GCNT3: variants seen among roughly 807,000 people sequenced by gnomAD.
The protein encoded by GCNT3 is glucosaminyl (N-acetyl) transferase 3, mucin type, also known as beta-1,3-galactosyl-O-glycosyl-glycoprotein beta-1,6-N-acetylglucosaminyltransferase 3.
For synonymous variants in GCNT3, 269 were observed against 195.2 expected, an observed-to-expected ratio of 1.38 and a Z score of -3.15; for missense variants, 708 against 530.3, an observed-to-expected ratio of 1.34 and a Z score of -3.29.
In GCNT3 at chr15:59,621,328, A is replaced by G. The variant is rs894008210; in HGVS notation, c.*1773A>G. 2 of 152,076 alleles carry G rather than the reference A, an allele frequency of 1.3e-5. No homozygotes were observed. Among genetic ancestry groups the G allele is most frequent in the Non-Finnish European group, 2.9e-5 (2 of 68,018 alleles). 9.4% of individuals were successfully genotyped at this position (152,076 alleles called of 1,614,324 possible). On this transcript the variant is annotated 3_prime_UTR_variant, in exon 3 of 3. Transcript: ENST00000396065. Reference sequence around the variant, plus strand: ...GTGTGTATGTATACACACATACAGCACGCTACCTCCCAAGTGTTACCTAGT... The same window carrying G: ...GTGTGTATGTATACACACATACAGCGCGCTACCTCCCAAGTGTTACCTAGT...
At chr15:59,617,245 A>G (rs1202417867) in intron 2 of GCNT3, among the ~76,000 whole-genome samples, 1 of 150,546 alleles carries the variant, frequency 6.6e-6, no homozygotes. Flanking sequence ...GAGTCCAAAC[A>G]AAATATAAAA....
rs150554219 is a variant in GCNT3, at chr15:59,615,677, A to G, written c.-250-1015A>G. 3.2e-3 allele frequency among the ~76,000 whole-genome samples: 488 copies of G among 151,830 alleles called. 4 individuals carry two copies. The highest frequency in any genetic ancestry group is 0.011 in the African/African-American group (456 of 41,368). ...GTGGGAGGATCACTTGAGCCCAGGA[A>G]TTTGAGATGAGCGTGGGCAACATAG... On this transcript the variant is annotated intron_variant, in intron 1 of 2. Transcript: ENST00000396065.
chr15:59,618,258 T>C lies in GCNT3; in HGVS notation c.20T>C (p.Leu7Pro), dbSNP rs974065249. 2 of 1,579,870 alleles carry C rather than the reference T, an allele frequency of 1.3e-6. No individual in the cohort carries two copies. The highest frequency in any genetic ancestry group is 2.2e-5 in the East Asian group (1 of 44,552). Residue 7 changes from leucine to proline, a missense_variant, in exon 3 of 3, where the codon CTC (leucine) becomes CCC (proline). Coordinates refer to ENST00000396065, the MANE Select transcript of GCNT3 (RefSeq NM_004751.3). MVQWKRLCQLHYLWALG... is the reference protein window; with the variant it reads MVQWKRPCQLHYLWALG... ...GTGACGATGGTTCAATGGAAGAGAC[T>C]CTGCCAGCTGCATTACTTGTGGGCT... is the stretch of plus-strand genomic sequence containing the variant.
At chr15:59,617,213 T>G (rs374058653) in intron 2 of GCNT3, among the ~76,000 whole-genome samples, 6 of 147,680 alleles carry the variant, frequency 4.1e-5, no homozygotes, top group South Asian at 4.4e-4. Flanking sequence ...CTGGTCTTCA[T>G]CGGACAGTGA....
rs200013297 is a variant in GCNT3 at position 59,619,128 on chromosome 15, C to T, written c.890C>T (p.Ala297Val). The change falls in exon 3 of 3, where the codon GCG (alanine) becomes GTG (valine). Residue 297 changes from alanine to valine, a missense_variant. By Grantham distance (64) the Ala-to-Val change is moderately conservative. Transcript: ENST00000396065. Reference sequence around the variant, plus strand: ...AATTTAACTATGTTTACAGGGAATGCGTACATTGTGGCTTCCCGAGATTTC... The same window carrying T: ...AATTTAACTATGTTTACAGGGAATGTGTACATTGTGGCTTCCCGAGATTTC... ...PYNLTMFTGN[A>V]YIVASRDFVQ... 2.5e-5 allele frequency: 40 copies of T among 1,613,952 alleles called. No individual in the cohort carries two copies. The highest frequency in any genetic ancestry group is 1.6e-4 in the Middle Eastern group (1 of 6,084).
At chr15:59,617,683 T>C (rs1340510217) in intron 2 of GCNT3, among the ~76,000 whole-genome samples, 6 of 152,240 alleles carry the variant, frequency 3.9e-5, no homozygotes, top group African/African-American at 1.4e-4. Flanking sequence ...CAATGAATTA[T>C]ATATGGTGAA....
At chr15:59,614,840 G>A (rs2082712368) in intron 1 of GCNT3, among the ~76,000 whole-genome samples, 1 of 152,216 alleles carries the variant, frequency 6.6e-6, no homozygotes, top group Non-Finnish European at 1.5e-5. Flanking sequence ...AGATGGAGTT[G>A]CTCTGGTTCA....
At chr15:59,618,065 T>C in intron 2 of GCNT3, 114 bp from the exon 3 acceptor site, 1 of 518,816 alleles carries the variant, frequency 1.9e-6, no homozygotes, top group Non-Finnish European at 3.4e-6. Flanking sequence ...TAGGCAGGTC[T>C]TTACTAAGGA....
At position 59,618,360 on chromosome 15, in the gene GCNT3, G is replaced by A; in HGVS notation, c.122G>A (p.Gly41Asp). The A allele has an allele frequency of 1.2e-6, 2 of 1,613,990 alleles. No individual in the cohort carries two copies. Among genetic ancestry groups the A allele is most frequent in the African/African-American group, 1.3e-5 (1 of 75,034 alleles). ...FRLKCDSDHL[G>D]LESRESQSQY... ...TTGAAGTGTGACTCTGACCACTTGG[G>A]TCTGGAGTCCAGGGAATCTCAAAGC... The change falls in exon 3 of 3, where the codon GGT becomes GAT. Residue 41 changes from glycine (G) to aspartate (D), a missense_variant. By Grantham distance (94) the Gly-to-Asp change is moderately conservative. Transcript: ENST00000396065.
At chr15:59,615,846 C>G (rs540111631) in intron 1 of GCNT3, among the ~76,000 whole-genome samples, 1 of 152,302 alleles carries the variant, frequency 6.6e-6, no homozygotes, top group East Asian at 1.9e-4. Context: ...CGTAATCACA[C>G]CACTGCACTC....
Position 59,611,885 on chromosome 15 carries a change from A to C in GCNT3, c.-347A>C, listed in dbSNP as rs1192597128. The C allele has an allele frequency of 6.6e-6, 1 of 152,232 alleles. No homozygotes were observed. Among genetic ancestry groups the C allele is most frequent in the Admixed American group, 6.5e-5 (1 of 15,280 alleles). 9.4% of individuals were successfully genotyped at this position (152,232 alleles called of 1,614,324 possible). On this transcript the variant is annotated 5_prime_UTR_variant, in exon 1 of 3. Coordinates refer to ENST00000396065, the MANE Select transcript of GCNT3 (RefSeq NM_004751.3). Reference sequence around the variant, plus strand: ...TTCTGGGAAGCCCTGGGATTCTGCTAATACCTATCACTGTAGGTGCTGAAG... The same window carrying C: ...TTCTGGGAAGCCCTGGGATTCTGCTCATACCTATCACTGTAGGTGCTGAAG...
At position 59,619,561 on chromosome 15, in the gene GCNT3, A is replaced by T. The variant is rs749920710; in HGVS notation, c.*6A>T. The T allele has an allele frequency of 2.0e-6, 3 of 1,523,986 alleles. No individual in the cohort carries two copies. 94.4% of individuals were successfully genotyped at this position (1,523,986 alleles called of 1,614,324 possible). ...TCTATGGGACTGAACTTTGAGACAC[A>T]CTATGAGAGCGTTGCTACCTGTGGG... On this transcript the variant is annotated 3_prime_UTR_variant, in exon 3 of 3. Coordinates refer to ENST00000396065, the MANE Select transcript of GCNT3 (RefSeq NM_004751.3).
intron 1 of GCNT3, among the ~76,000 whole-genome samples, chr15:59,615,379 G>A (rs1318155102): frequency 6.6e-6 from 1 of 152,100 alleles, no homozygotes; most frequent in Non-Finnish European, 1.5e-5. Flanking sequence ...AGCATTTGTT[G>A]AGTGGTCACC....
intron 1 of GCNT3, among the ~76,000 whole-genome samples, chr15:59,613,118 A>T (rs1354613069): frequency 6.6e-6 from 1 of 152,000 alleles, no homozygotes; most frequent in Non-Finnish European, 1.5e-5. Context: ...TATCTTGTTT[A>T]ATCTTCTCAA....
chr15:59,614,470 C>G (rs946357223), intron 1 of GCNT3, among the ~76,000 whole-genome samples: 7 of 151,518 alleles, frequency 4.6e-5, no homozygotes, highest in Non-Finnish European at 5.9e-5. Context: ...CCTGAGGGGA[C>G]TACTGGTTGC....
chr15:59,613,764 G>A (rs1401788781), intron 1 of GCNT3, among the ~76,000 whole-genome samples: 1 of 151,926 alleles, frequency 6.6e-6, no homozygotes, highest in East Asian at 1.9e-4. Context: ...CGGCACAGTG[G>A]CTCACATTTT....
At position 59,619,418 on chromosome 15, in the gene GCNT3, G is replaced by T. The variant is rs1180626777; in HGVS notation, c.1180G>T (p.Gly394Trp). Reference sequence around the variant, plus strand: ...CCACCAGCGGGCTATCTGCGTTTATGGGGCTGGGGACTTGAATTGGATGCT... The same window carrying T: ...CCACCAGCGGGCTATCTGCGTTTATTGGGCTGGGGACTTGAATTGGATGCT... ...GIHQRAICVY[G>W]AGDLNWMLQN... The change falls in exon 3 of 3, where the codon GGG (glycine) becomes TGG (tryptophan). Residue 394 changes from glycine to tryptophan, a missense_variant. By Grantham distance (184) the Gly-to-Trp change is radical (BLOSUM62 -2). Transcript: ENST00000396065. 8.7e-6 allele frequency: 14 copies of T among 1,614,144 alleles called. No homozygotes were observed. Among genetic ancestry groups the T allele is most frequent in the Non-Finnish European group, 1.2e-5 (14 of 1,180,006 alleles).
In GCNT3 at chr15:59,621,567, A is replaced by G. The variant is rs187254319; in HGVS notation, c.*2012A>G. 1 of 126,822 alleles carries G rather than the reference A, an allele frequency of 7.9e-6. No homozygotes were observed. The highest frequency in any genetic ancestry group is 3.0e-5 in the African/African-American group (1 of 33,660). 7.9% of individuals were successfully genotyped at this position (126,822 alleles called of 1,614,324 possible). On this transcript the variant is annotated 3_prime_UTR_variant, in exon 3 of 3. Transcript: ENST00000396065. ...CCATTAATACGTCATGATGTCATTA[A>G]TATGTTTCTTCCTTTCTGATTTTTG...
rs1335849259 is a variant in GCNT3, at chr15:59,620,953, G to C, written c.*1398G>C. On this transcript the variant is annotated 3_prime_UTR_variant, in exon 3 of 3. Transcript: ENST00000396065. ...GGCTGGAGTGCAGTGGCATGATCTT[G>C]GCTCACTGAAGCCTCTGCCTCCCAG... is the stretch of plus-strand genomic sequence containing the variant. 8.4e-6 allele frequency: 1 copy of C among 119,328 alleles called. No individual in the cohort carries two copies. The highest frequency in any genetic ancestry group is 1.6e-5 in the Non-Finnish European group (1 of 62,432). 7.4% of individuals were successfully genotyped at this position (119,328 alleles called of 1,614,324 possible).
Sources: allele counts gnomAD v4.1 joint callset (sites outside exome capture counted in the v4.1 genomes callset), GRCh38; gene constraint gnomAD v4.1.1; transcripts MANE v1.5; gene names NCBI Gene and HGNC (gene_info 2026-07-23, HGNC 2026-07-21).